NRG3: variants seen among roughly 807,000 people sequenced by gnomAD.
NRG3 encodes the protein neuregulin 3, also known as pro-neuregulin-3, membrane-bound isoform.
A neutral mutation model predicts 66.9 loss-of-function variants in NRG3; 31 were observed. That is an observed-to-expected ratio of 0.46 (90% CI 0.35 to 0.63). NRG3 has a LOEUF of 0.63. NRG3 is among the 20% of genes least tolerant of loss of function. The pLI is 0.00. For missense variants in NRG3, 910 were observed against 878.9 expected (o/e 1.04, Z -0.45); for synonymous variants, 393 against 359.4 (o/e 1.09, Z -1.06).
intron 2 of NRG3, among the ~76,000 whole-genome samples, chr10:82,559,609 G>A (rs2044894070): frequency 6.6e-6 from 1 of 152,286 alleles, no homozygotes; most frequent in South Asian, 2.1e-4. Context: ...CAGCTTGTAT[G>A]TTTCCTACAG....
intron 2 of NRG3, among the ~76,000 whole-genome samples, chr10:82,652,484 C>G (rs938665992): frequency 6.6e-6 from 1 of 152,118 alleles, no homozygotes; most frequent in Admixed American, 6.5e-5. Flanking sequence ...ATGGATTTAT[C>G]TCAGAAGTTA....
intron 1 of NRG3, among the ~76,000 whole-genome samples, chr10:82,255,502 A>G (rs2077675921): frequency 6.6e-6 from 1 of 152,222 alleles, no homozygotes; most frequent in Non-Finnish European, 1.5e-5. Context: ...ATCTTACTTT[A>G]TGGTGGAAAT....
At chr10:82,672,231 G>A (rs571870259) in intron 2 of NRG3, among the ~76,000 whole-genome samples, 4 of 152,180 alleles carry the variant, frequency 2.6e-5, no homozygotes, top group African/African-American at 9.7e-5. Context: ...GACAGAAAGT[G>A]CAAAGGGTGC....
chr10:82,151,562 T>G (rs1298258652), intron 1 of NRG3, among the ~76,000 whole-genome samples: 1 of 152,210 alleles, frequency 6.6e-6, no homozygotes, highest in Non-Finnish European at 1.5e-5. Flanking sequence ...TCTGCCTTGA[T>G]GTCATCTTGT....
chr10:82,333,575 A>G (rs1184641401), intron 1 of NRG3, among the ~76,000 whole-genome samples: 1 of 152,180 alleles, frequency 6.6e-6, no homozygotes, highest in Non-Finnish European at 1.5e-5. Flanking sequence ...TTGTCACTGT[A>G]TCCATAGCTA....
intron 1 of NRG3, among the ~76,000 whole-genome samples, chr10:82,026,448 T>G (rs150582566): frequency 3.4e-4 from 52 of 152,244 alleles, no homozygotes; most frequent in Non-Finnish European, 6.9e-4. Flanking sequence ...CAGGTTTATC[T>G]TGCTTCTGAT....
chr10:82,311,609 A>G (rs2081032165), intron 1 of NRG3, among the ~76,000 whole-genome samples: 2 of 152,246 alleles, frequency 1.3e-5, no homozygotes, highest in Admixed American at 1.3e-4. Context: ...TGTGGCAGGT[A>G]GGATCAGGAA....
intron 1 of NRG3, among the ~76,000 whole-genome samples, chr10:81,876,427 C>T (rs1287382448): frequency 1.3e-5 from 2 of 152,120 alleles, no homozygotes; most frequent in Non-Finnish European, 2.9e-5. Flanking sequence ...CAAGTGAGAA[C>T]AGATCTCCCA....
At chr10:82,432,585 A>C (rs2136337453) in intron 2 of NRG3, among the ~76,000 whole-genome samples, 1 of 150,302 alleles carries the variant, frequency 6.7e-6, no homozygotes, top group South Asian at 2.1e-4. Flanking sequence ...TGCTGCACCT[A>C]CTGGCCCGTC....
intron 1 of NRG3, among the ~76,000 whole-genome samples, chr10:82,119,137 CTT>C (rs946560834): frequency 8.5e-5 from 13 of 152,068 alleles, no homozygotes; most frequent in African/African-American, 3.1e-4. Context: ...ACATCAAACA[CTT>C]ATTTTTTGTG....
chr10:82,476,416 G>C (rs1215590441), intron 2 of NRG3, among the ~76,000 whole-genome samples: 1 of 152,150 alleles, frequency 6.6e-6, no homozygotes, highest in African/African-American at 2.4e-5. Flanking sequence ...CATGTTCATA[G>C]CAGCAGTATT....
chr10:82,274,029 G>A (rs1049566521), intron 1 of NRG3, among the ~76,000 whole-genome samples: 3 of 152,038 alleles, frequency 2.0e-5, no homozygotes, highest in Admixed American at 6.6e-5. Context: ...TTCTTGCAAC[G>A]GATCCAGTTG....
At chr10:81,913,567 G>A (rs557499465) in intron 1 of NRG3, among the ~76,000 whole-genome samples, 53 of 152,140 alleles carry the variant, frequency 3.5e-4, no homozygotes, top group African/African-American at 1.2e-3. Flanking sequence ...GGGATTACAA[G>A]CACGCACCAT....
intron 1 of NRG3, among the ~76,000 whole-genome samples, chr10:82,117,323 C>G (rs1002568036): frequency 6.6e-6 from 1 of 152,092 alleles, no homozygotes; most frequent in Non-Finnish European, 1.5e-5. Flanking sequence ...ACTCATCTTT[C>G]CTGTTCCCAA....
intron 1 of NRG3, among the ~76,000 whole-genome samples, chr10:82,307,234 A>C (rs186266205): frequency 6.6e-6 from 1 of 152,306 alleles, no homozygotes; most frequent in Admixed American, 6.5e-5. Context: ...ATATGTCAAT[A>C]TGATCTATCT....
intron 1 of NRG3, among the ~76,000 whole-genome samples, chr10:81,995,623 C>T (rs1176178147): frequency 6.6e-6 from 1 of 152,208 alleles, no homozygotes; most frequent in East Asian, 1.9e-4. Context: ...GTTCCTGGTA[C>T]TGGCCTTTGC....
At chr10:82,546,916 T>C (rs1195022504) in intron 2 of NRG3, among the ~76,000 whole-genome samples, 1 of 152,066 alleles carries the variant, frequency 6.6e-6, no homozygotes, top group Non-Finnish European at 1.5e-5. Flanking sequence ...CATCAATTAC[T>C]GTATTTGAAA....
chr10:82,685,637 T>C (rs1374005982), intron 2 of NRG3, among the ~76,000 whole-genome samples: 2 of 152,226 alleles, frequency 1.3e-5, no homozygotes, highest in African/African-American at 4.8e-5. Context: ...GCTGTAACAT[T>C]TTTACTTTAT....
chr10:82,017,853 G>A (rs2061858333), intron 1 of NRG3, among the ~76,000 whole-genome samples: 1 of 152,134 alleles, frequency 6.6e-6, no homozygotes, highest in Non-Finnish European at 1.5e-5. Context: ...TTTGTCAGAT[G>A]AGTAGATTGC....
Sources: allele counts gnomAD v4.1 joint callset (sites outside exome capture counted in the v4.1 genomes callset), GRCh38; gene constraint gnomAD v4.1.1; transcripts MANE v1.5; gene names NCBI Gene and HGNC (gene_info 2026-07-23, HGNC 2026-07-21).